PCGF6: variants seen among roughly 807,000 people sequenced by gnomAD.
PCGF6 encodes the protein polycomb group ring finger 6, also known as polycomb group RING finger protein 6.
Under a neutral mutation model 45.5 loss-of-function variants are expected in PCGF6, and 24 were observed. The ratio of observed to expected loss-of-function variants is 0.53; its 90% CI spans 0.38 to 0.74. The LOEUF (loss-of-function observed/expected upper bound fraction) is 0.74. PCGF6 is among the 30% of genes least tolerant of loss of function. PCGF6 has a pLI of 0.00. For synonymous variants in PCGF6, 152 were observed against 162.1 expected (o/e 0.94, Z 0.47); for missense variants, 356 against 443.2 (o/e 0.80, Z 1.77).
chr10:103,338,148 G>A (rs889340156), intron 6 of PCGF6, among the ~76,000 whole-genome samples: 3 of 152,022 alleles, frequency 2.0e-5, no homozygotes, highest in Non-Finnish European at 2.9e-5. Context: ...GGCTGAGACA[G>A]GAGAACTGCT....
intron 9 of PCGF6, among the ~76,000 whole-genome samples, chr10:103,308,632 A>G (rs1032679700): frequency 6.6e-6 from 1 of 151,956 alleles, no homozygotes; most frequent in Non-Finnish European, 1.5e-5. Context: ...AGCACTTTGG[A>G]AAGCTGAGGC....
In PCGF6 at chr10:103,325,314, C is replaced by T. The variant is rs1040813254; in HGVS notation, c.909+1220G>A. Among the ~76,000 whole-genome samples the T allele has an allele frequency of 6.6e-5, 10 of 152,134 alleles. No individual in the cohort carries two copies. The East Asian group carries it at 1.2e-3, about 18-fold the overall frequency. ...TGTCGTCCAGGCTGGAGTGCAGTAG[C>T]GCAATCTTGGCTCACTGTAACCTCT... On this transcript the variant is annotated intron_variant, in intron 8 of 9. Coordinates refer to ENST00000369847, the MANE Select transcript of PCGF6 (RefSeq NM_001011663.2).
At chr10:103,311,244 C>T (rs1261601698) in intron 9 of PCGF6, among the ~76,000 whole-genome samples, 4 of 152,024 alleles carry the variant, frequency 2.6e-5, no homozygotes, top group African/African-American at 9.7e-5. Flanking sequence ...CGGGTTCAAG[C>T]GATTCTCCTG....
intron 7 of PCGF6, among the ~76,000 whole-genome samples, chr10:103,331,162 C>G (rs554097888): frequency 4.5e-4 from 68 of 152,172 alleles, no homozygotes; most frequent in Non-Finnish European, 7.9e-4. Flanking sequence ...TACTTCATTC[C>G]TTTTTACTGT....
At position 103,345,049 on chromosome 10, in the gene PCGF6, T is replaced by C. The variant is rs767629086; in HGVS notation, c.757A>G (p.Met253Val). 9.9e-6 allele frequency: 16 copies of C among 1,609,218 alleles called. No individual in the cohort carries two copies. Among genetic ancestry groups the C allele is most frequent in the African/African-American group, 1.3e-5 (1 of 74,886 alleles). The change falls in exon 6 of 10, where the codon ATG becomes GTG. Residue 253 changes from methionine to valine, a missense_variant. By Grantham distance (21) the Met-to-Val change is conservative. Transcript: ENST00000369847. ...CCAATGAACTCCAGTAATAAAGACA[T>C]ATCAAGTTCAGGTGGAATACGAAAC... The part of the protein sequence containing the change: ...SVFRIPPELD[M>V]SLLLEFIGAN...
At chr10:103,337,383 A>G (rs2093260854) in intron 6 of PCGF6, among the ~76,000 whole-genome samples, 1 of 152,162 alleles carries the variant, frequency 6.6e-6, no homozygotes, top group East Asian at 1.9e-4. Flanking sequence ...CATATTGATA[A>G]TAATTCAGAC....
intron 6 of PCGF6, among the ~76,000 whole-genome samples, chr10:103,340,443 T>A (rs1053893560): frequency 1.3e-5 from 2 of 151,956 alleles, no homozygotes; most frequent in Non-Finnish European, 2.9e-5. Context: ...TGATTAATTA[T>A]TGATTTCTGC....
intron 8 of PCGF6, among the ~76,000 whole-genome samples, chr10:103,321,497 A>G (rs1436394404): frequency 6.6e-6 from 1 of 152,202 alleles, no homozygotes; most frequent in Middle Eastern, 3.4e-3. Context: ...GCGGATCACG[A>G]GGTCAGGAGA....
At chr10:103,304,251 T>C (rs1282114011) in intron 9 of PCGF6, among the ~76,000 whole-genome samples, 1 of 149,228 alleles carries the variant, frequency 6.7e-6, no homozygotes, top group Admixed American at 6.7e-5. Flanking sequence ...ATTCTCCTGC[T>C]TCAGCCTCCC....
intron 6 of PCGF6, among the ~76,000 whole-genome samples, chr10:103,336,427 T>C (rs1205397121): frequency 2.6e-5 from 4 of 152,076 alleles, no homozygotes; most frequent in African/African-American, 7.2e-5. Flanking sequence ...TGTTAAATTA[T>C]ATTATCTTAG....
intron 8 of PCGF6, among the ~76,000 whole-genome samples, chr10:103,318,614 G>T (rs1028225740): frequency 6.7e-6 from 1 of 149,578 alleles, no homozygotes; most frequent in African/African-American, 2.5e-5. Context: ...GCATGGTGGC[G>T]GTCGCCTGTA....
At position 103,350,784 on chromosome 10, in the gene PCGF6, C is replaced by A; in HGVS notation, c.283G>T (p.Glu95Ter). Residue 95 changes from glutamate (E) to a stop codon, truncating the protein, a stop_gained, in exon 1 of 10, where the codon GAG becomes TAG. Coordinates refer to ENST00000369847, the MANE Select transcript of PCGF6 (RefSeq NM_001011663.2). LOFTEE classifies it high-confidence loss of function. ...TGACTCATGTCCTCCTCCTCCTCCT[C>A]TTCTTCCTCCTCCAGCTCCTCTTCT... ...EEEEELEEEE[E>*]EEEEDMSHFS... The A allele has an allele frequency of 6.4e-7, 1 of 1,561,856 alleles. No homozygotes were observed. Among genetic ancestry groups the A allele is most frequent in the East Asian group, 2.4e-5 (1 of 42,122 alleles).
At chr10:103,348,241 A>G (rs908331041) in intron 3 of PCGF6, 3 of 152,926 alleles carry the variant, frequency 2.0e-5, no homozygotes, top group Non-Finnish European at 4.4e-5. Context: ...AGTCCTCAGC[A>G]GATATTACAG....
At chr10:103,335,932 A>C (rs1408086777) in intron 6 of PCGF6, among the ~76,000 whole-genome samples, 1 of 150,628 alleles carries the variant, frequency 6.6e-6, no homozygotes, top group Non-Finnish European at 1.5e-5. Flanking sequence ...GTGTCACTAC[A>C]CTCCAGCCCG....
intron 6 of PCGF6, among the ~76,000 whole-genome samples, chr10:103,340,872 G>C (rs2093278078): frequency 6.6e-6 from 1 of 151,954 alleles, no homozygotes; most frequent in Admixed American, 6.6e-5. Context: ...CAAAGTGCTA[G>C]GATTACAGGC....
At position 103,314,511 on chromosome 10, in the gene PCGF6, T is replaced by G. The variant is rs186277549; in HGVS notation, c.910-239A>C. On this transcript the variant is annotated intron_variant, in intron 8 of 9. Transcript: ENST00000369847. The stretch of plus-strand genomic sequence containing the variant: ...AGCACAGTATAATTGATATTCAAAA[T>G]GATTTCCCTGAATCTCAAAGAAATT... Among the ~76,000 whole-genome samples the G allele has an allele frequency of 1.3e-3, 195 of 152,354 alleles. 1 individual carries two copies. The highest frequency in any genetic ancestry group is 2.6e-3 in the Admixed American group (40 of 15,296).
chr10:103,345,220 T>C lies in PCGF6; in HGVS notation c.674-88A>G, dbSNP rs1053231843. 7 of 913,296 alleles carry C rather than the reference T, an allele frequency of 7.7e-6. No homozygotes were observed. The African/African-American group carries it at 1.2e-4, about 15-fold the overall frequency. The allele number at this position is 913,296 out of a possible 1,614,324, so 56.6% of individuals were successfully genotyped here. A position where few individuals can be genotyped will look rare whatever the true frequency, so the allele number is the denominator to read the frequency against. ...GAAAAATACACAAGTATTATAATTA[T>C]GTTGAGTATTTAAAAGATCATAAAC... On this transcript the variant is annotated intron_variant, in intron 5 of 9. Transcript: ENST00000369847.
At chr10:103,312,854 G>A (rs550754035) in intron 9 of PCGF6, among the ~76,000 whole-genome samples, 1 of 152,180 alleles carries the variant, frequency 6.6e-6, no homozygotes, top group Non-Finnish European at 1.5e-5. Flanking sequence ...CCAGCTACTC[G>A]GGAGGCTGAG....
chr10:103,322,108 C>G (rs989427424), intron 8 of PCGF6, among the ~76,000 whole-genome samples: 1 of 152,084 alleles, frequency 6.6e-6, no homozygotes, highest in East Asian at 1.9e-4. Context: ...GTTGGCCAGG[C>G]TAGTCTTGAA....
Sources: allele counts gnomAD v4.1 joint callset (sites outside exome capture counted in the v4.1 genomes callset), GRCh38; gene constraint gnomAD v4.1.1; transcripts MANE v1.5; gene names NCBI Gene and HGNC (gene_info 2026-07-23, HGNC 2026-07-21).